Variants in VOPP1 observed in about 807,000 individuals in gnomAD.
The protein encoded by VOPP1 is WW domain binding protein VOPP1.
A neutral mutation model predicts 23.5 loss-of-function variants in VOPP1; 8 were observed. That is an observed-to-expected ratio of 0.34 (90% CI 0.20 to 0.61). The LOEUF is 0.61. VOPP1 is among the 20% of genes least tolerant of loss of function. The probability of loss-of-function intolerance (pLI) is 0.78; values close to 1 mark genes in which losing one functional copy is unlikely to be tolerated. For missense variants in VOPP1, 174 were observed against 238.1 expected (o/e 0.73, Z 1.77); for synonymous variants, 83 against 97.3 (o/e 0.85, Z 0.86).
intron 4 of VOPP1, among the ~76,000 whole-genome samples, chr7:55,476,620 C>A (rs564087591): frequency 2.0e-5 from 3 of 152,170 alleles, no homozygotes; most frequent in Non-Finnish European, 2.9e-5. Flanking sequence ...AGGATCCCCA[C>A]ACCATTTTAG....
chr7:55,543,358 C>T (rs1191780183), intron 1 of VOPP1, among the ~76,000 whole-genome samples: 2 of 152,172 alleles, frequency 1.3e-5, no homozygotes, highest in Non-Finnish European at 2.9e-5. Flanking sequence ...CATGGGAGTA[C>T]AAATATCTCT....
At position 55,473,056 on chromosome 7, in the gene VOPP1, G is replaced by A. The variant is rs908992028; in HGVS notation, c.329-11C>T. ...CCGGCTGCTGGGCTCCTGAAAGACAGACAAACATAGGTGAGCACAGAAGGG... is the reference window on the plus strand; with the variant it reads ...CCGGCTGCTGGGCTCCTGAAAGACAAACAAACATAGGTGAGCACAGAAGGG... On this transcript the variant is annotated splice_polypyrimidine_tract_variant and intron_variant, in intron 4 of 4. Transcript: ENST00000285279. 1.9e-6 allele frequency: 3 copies of A among 1,595,728 alleles called. No homozygotes were observed. Among genetic ancestry groups the A allele is most frequent in the Admixed American group, 1.8e-5 (1 of 56,026 alleles).
At chr7:55,554,849 T>C (rs1797748920) in intron 1 of VOPP1, among the ~76,000 whole-genome samples, 1 of 152,164 alleles carries the variant, frequency 6.6e-6, no homozygotes, top group Non-Finnish European at 1.5e-5. Flanking sequence ...AAGATTTAGA[T>C]GTAGATGAGA....
intron 1 of VOPP1, among the ~76,000 whole-genome samples, chr7:55,538,231 G>A (rs1004256855): frequency 6.6e-6 from 1 of 152,168 alleles, no homozygotes; most frequent in African/African-American, 2.4e-5. Context: ...TCTGAGTAGC[G>A]ATTTGCAAAC....
At chr7:55,504,060 A>C (rs776264042) in intron 2 of VOPP1, among the ~76,000 whole-genome samples, 1 of 152,058 alleles carries the variant, frequency 6.6e-6, no homozygotes, top group Non-Finnish European at 1.5e-5. Flanking sequence ...TTTTTTGGGG[A>C]GTTCGAGAAT....
intron 1 of VOPP1, among the ~76,000 whole-genome samples, chr7:55,570,982 T>C (rs1350006180): frequency 6.6e-6 from 1 of 152,086 alleles, no homozygotes; most frequent in African/African-American, 2.4e-5. Context: ...AAAATAAAGA[T>C]TGCAAGTATA....
At chr7:55,559,346 C>T (rs950436881) in intron 1 of VOPP1, among the ~76,000 whole-genome samples, 1 of 152,170 alleles carries the variant, frequency 6.6e-6, no homozygotes, top group African/African-American at 2.4e-5. Flanking sequence ...CCCTTCCCAT[C>T]TTATGGAGGA....
chr7:55,560,981 T>C (rs1012472958), intron 1 of VOPP1, among the ~76,000 whole-genome samples: 13 of 152,098 alleles, frequency 8.5e-5, no homozygotes, highest in African/African-American at 3.1e-4. Context: ...GCAGCCACCC[T>C]TCTACCTCCC....
chr7:55,543,121 T>TACACA (rs1329779518), intron 1 of VOPP1, among the ~76,000 whole-genome samples: 1 of 152,058 alleles, frequency 6.6e-6, no homozygotes, highest in Admixed American at 6.5e-5. Flanking sequence ...TTCACCGTGT[T>TACACA]AGCCAGGATG....
In VOPP1 at chr7:55,471,400, T is replaced by A. The variant is rs1377815348; in HGVS notation, c.*1455A>T. The A allele has an allele frequency of 6.6e-6, 1 of 152,388 alleles. No homozygotes were observed. Among genetic ancestry groups the A allele is most frequent in the Non-Finnish European group, 1.5e-5 (1 of 68,026 alleles). 9.4% of individuals were successfully genotyped at this position (152,388 alleles called of 1,614,324 possible). A position where few individuals can be genotyped will look rare whatever the true frequency, so the allele number is the denominator to read the frequency against. ...GTGAAAAGCATGGACACCAAATCAC[T>A]CCGTATCCACTTCCATGAGATGTCT... On this transcript the variant is annotated 3_prime_UTR_variant, in exon 5 of 5. Transcript: ENST00000285279.
At chr7:55,504,064 C>T (rs970272321) in intron 2 of VOPP1, among the ~76,000 whole-genome samples, 2 of 152,086 alleles carry the variant, frequency 1.3e-5, no homozygotes, top group Non-Finnish European at 2.9e-5. Flanking sequence ...TTGGGGAGTT[C>T]GAGAATCCAA....
chr7:55,553,095 T>A (rs1797677456), intron 1 of VOPP1, among the ~76,000 whole-genome samples: 1 of 152,236 alleles, frequency 6.6e-6, no homozygotes, highest in African/African-American at 2.4e-5. Context: ...TCAATCTTCC[T>A]AAAATAAACT....
chr7:55,475,383 T>C (rs1583843920), intron 4 of VOPP1, among the ~76,000 whole-genome samples: 1 of 151,772 alleles, frequency 6.6e-6, no homozygotes, highest in Non-Finnish European at 1.5e-5. Flanking sequence ...GAGCGGTGGG[T>C]GAACATGGCC....
chr7:55,492,941 C>T (rs1793686504), intron 3 of VOPP1: 1 of 152,342 alleles, frequency 6.6e-6, no homozygotes, highest in Admixed American at 6.5e-5. Flanking sequence ...AACAGAAGTA[C>T]CCTTCCTGGA....
chr7:55,489,371 G>A (rs1400153547), intron 4 of VOPP1, among the ~76,000 whole-genome samples: 4 of 152,188 alleles, frequency 2.6e-5, no homozygotes, highest in African/African-American at 7.2e-5. Context: ...GCAGCCACTC[G>A]CTGTAGAGAG....
In VOPP1 at chr7:55,501,124, G is replaced by A. The variant is rs543191440; in HGVS notation, c.114-3434C>T. Among the ~76,000 whole-genome samples, 7 of 152,358 alleles carry A rather than the reference G, an allele frequency of 4.6e-5. No individual in the cohort carries two copies. The South Asian group carries it at 1.0e-3, about 23-fold the overall frequency. Reference sequence around the variant, plus strand: ...TTTAATGGTGCTTGCATGGTTCTTTGTTCAGCTTGGAACTGCATACTGACC... The same window carrying A: ...TTTAATGGTGCTTGCATGGTTCTTTATTCAGCTTGGAACTGCATACTGACC... On this transcript the variant is annotated intron_variant, in intron 2 of 4. Coordinates refer to ENST00000285279, the MANE Select transcript of VOPP1 (RefSeq NM_030796.5).
At chr7:55,511,977 AC>A (rs2129035371) in intron 2 of VOPP1, among the ~76,000 whole-genome samples, 1 of 152,364 alleles carries the variant, frequency 6.6e-6, no homozygotes, top group Non-Finnish European at 1.5e-5. Flanking sequence ...GGAACTGAGA[AC>A]CTTCAATAGT....
At chr7:55,557,407 G>A (rs1357434583) in intron 1 of VOPP1, among the ~76,000 whole-genome samples, 3 of 150,730 alleles carry the variant, frequency 2.0e-5, no homozygotes, top group Admixed American at 2.0e-4. Context: ...CCATCATCTG[G>A]AGAAATAAAA....
chr7:55,435,229 T>C (rs1391516909), downstream of VOPP1, among the ~76,000 whole-genome samples: 1 of 152,108 alleles, frequency 6.6e-6, no homozygotes, highest in Non-Finnish European at 1.5e-5. Flanking sequence ...ATTACTGACA[T>C]GGAGAGAGGG....
Sources: gnomAD v4.1 joint callset for allele counts (sites outside exome capture counted in the v4.1 genomes callset) on GRCh38, gnomAD v4.1.1 for gene constraint, MANE v1.5 for transcripts, NCBI Gene and HGNC (gene_info 2026-07-23, HGNC 2026-07-21) for gene names.